Variants in BTD observed in about 807,000 individuals in gnomAD.
BTD encodes the protein biocytinase.
BTD carries 13 observed loss-of-function variants against 17.7 expected under a neutral mutation model. The observed-to-expected ratio is 0.74, with a 90% CI of 0.48 to 1.17. The LOEUF (loss-of-function observed/expected upper bound fraction) is 1.17, where lower values mean the gene tolerates loss of function less well. Ranked by LOEUF, BTD falls within the 50% of genes most tolerant of loss-of-function variation. The pLI is 0.00. For synonymous variants in BTD, 240 were observed against 245.2 expected, an observed-to-expected ratio of 0.98 and a Z score of 0.20; for missense variants, 674 against 650.4, an observed-to-expected ratio of 1.04 and a Z score of -0.39.
intron 1 of BTD, 96 bp downstream of exon 1, chr3:15,601,990 C>T (rs999953029): frequency 1.2e-5 from 18 of 1,559,422 alleles, no homozygotes; most frequent in African/African-American, 4.1e-5. Flanking sequence ...GGGAGGGCTG[C>T]GCAAAGGCTG....
chr3:15,721,024 TTCACAA>T, intron 4 of BTD: 1 of 1,613,930 alleles, frequency 6.2e-7, no homozygotes, highest in Non-Finnish European at 8.5e-7. Flanking sequence ...ATTCTTTTGA[TTCACAA>T]TAGCACCACA....
chr3:15,657,791 C>G (rs1429854161), downstream of BTD, among the ~76,000 whole-genome samples: 1 of 151,068 alleles, frequency 6.6e-6, no homozygotes, highest in African/African-American at 2.4e-5. Context: ...AGGCATGAAT[C>G]TTGCAAACAA....
intron 1 of BTD, chr3:15,631,571 T>C (rs2065206326): frequency 1.6e-6 from 2 of 1,279,076 alleles, no homozygotes; most frequent in Non-Finnish European, 1.1e-6. Flanking sequence ...TAGATTTCCA[T>C]GTAATTGAGA....
chr3:15,665,681 G>A (rs746186491), intron 3 of BTD, among the ~76,000 whole-genome samples: 1 of 152,162 alleles, frequency 6.6e-6, no homozygotes, highest in African/African-American at 2.4e-5. Flanking sequence ...AGAGAATACT[G>A]CCCCATCCCA....
chr3:15,691,424 C>T (rs768018572), intron 3 of BTD, among the ~76,000 whole-genome samples: 14 of 152,130 alleles, frequency 9.2e-5, no homozygotes, highest in African/African-American at 1.4e-4. Context: ...CGCCCGGCCC[C>T]GAGTTGCCTT....
intron 3 of BTD, chr3:15,690,132 A>T: frequency 6.2e-7 from 1 of 1,610,682 alleles, no homozygotes; most frequent in Non-Finnish European, 8.5e-7. Context: ...TGCAAGATCT[A>T]GGGGTGTTCT....
intron 3 of BTD, chr3:15,677,366 C>T (rs2067050789): frequency 1.4e-6 from 1 of 720,278 alleles, no homozygotes; most frequent in African/African-American, 1.8e-5. Flanking sequence ...AATCTAATAC[C>T]AGTGATCATT....
chr3:15,668,941 C>T (rs1347792662), intron 3 of BTD: 1 of 152,618 alleles, frequency 6.6e-6, no homozygotes, highest in Non-Finnish European at 1.5e-5. Context: ...AAATCATTTT[C>T]ACTGGGAAAG....
chr3:15,688,072 T>C (rs1226296797), intron 3 of BTD, among the ~76,000 whole-genome samples: 3 of 152,196 alleles, frequency 2.0e-5, no homozygotes, highest in African/African-American at 4.8e-5. Flanking sequence ...TGGTTCTTTT[T>C]GTGGGTAGGA....
At chr3:15,700,227 C>T (rs1211732145) in intron 3 of BTD, among the ~76,000 whole-genome samples, 2 of 152,056 alleles carry the variant, frequency 1.3e-5, no homozygotes, top group Non-Finnish European at 2.9e-5. Context: ...AACTCTCACT[C>T]TTAAGTGGAA....
chr3:15,664,512 A>G (rs2065957922), intron 3 of BTD, among the ~76,000 whole-genome samples: 2 of 152,196 alleles, frequency 1.3e-5, no homozygotes, highest in African/African-American at 2.4e-5. Context: ...GTTTTTCTTG[A>G]ACTAAATGCT....
chr3:15,690,376 G>C (rs538503735), intron 3 of BTD, among the ~76,000 whole-genome samples: 302 of 152,276 alleles, frequency 2.0e-3, no homozygotes, highest in Non-Finnish European at 3.0e-3. Flanking sequence ...GTTAACTACA[G>C]ATCTTTCTAA....
intron 3 of BTD, chr3:15,686,084 G>A (rs2068088731): frequency 1.9e-6 from 3 of 1,613,426 alleles, no homozygotes; most frequent in South Asian, 2.2e-5. Context: ...AACACAGTCT[G>A]TGTGCCCGTT....
At chr3:15,605,707 A>G (rs2064428730) in intron 1 of BTD, among the ~76,000 whole-genome samples, 1 of 152,214 alleles carries the variant, frequency 6.6e-6, no homozygotes, top group Non-Finnish European at 1.5e-5. Context: ...TAAAAATGAC[A>G]TTTTAAACTG....
At chr3:15,705,044 C>T (rs1377597205) in intron 3 of BTD, among the ~76,000 whole-genome samples, 1 of 152,150 alleles carries the variant, frequency 6.6e-6, no homozygotes, top group Admixed American at 6.6e-5. Flanking sequence ...TGCTCATACT[C>T]AAATGGGTAC....
intron 2 of BTD, among the ~76,000 whole-genome samples, chr3:15,637,584 T>C (rs542597920): frequency 1.4e-4 from 21 of 152,310 alleles, no homozygotes; most frequent in African/African-American, 4.3e-4. Context: ...TTCACACATA[T>C]GATACACACC....
chr3:15,709,776 T>C (rs747735327), intron 3 of BTD: 1 of 1,356,254 alleles, frequency 7.4e-7, no homozygotes, highest in Non-Finnish European at 1.0e-6. Flanking sequence ...TAATTGACAG[T>C]GATTTTATAA....
At position 15,696,583 on chromosome 3, in the gene BTD, C is replaced by T. The variant is rs147576983; in HGVS notation, c.400-13477C>T. Among the ~76,000 whole-genome samples the T allele has an allele frequency of 3.6e-3, 550 of 151,990 alleles. 7 individuals are homozygous for T. Among genetic ancestry groups the T allele is most frequent in the African/African-American group, 0.013 (529 of 41,480 alleles). On this transcript the variant is annotated intron_variant, in intron 3 of 3. Coordinates refer to the BTD transcript ENST00000672141. ...CAATGTTGGATAGGATTAAACTTTT[C>T]GTGGTGGTGAGTACATAATATTGGC...
chr3:15,618,306 G>C (rs1007418429), intron 1 of BTD, among the ~76,000 whole-genome samples: 8 of 152,138 alleles, frequency 5.3e-5, no homozygotes, highest in Admixed American at 2.0e-4. Flanking sequence ...AAAATAACTT[G>C]TTGGGATTTC....
Sources: gnomAD v4.1 joint callset for allele counts (sites outside exome capture counted in the v4.1 genomes callset) on GRCh38, gnomAD v4.1.1 for gene constraint, MANE v1.5 for transcripts, NCBI Gene and HGNC (gene_info 2026-07-23, HGNC 2026-07-21) for gene names.